The following GMDS variants were observed in gnomAD, a reference collection of about 807,000 sequenced individuals.
GMDS encodes the protein GDP-mannose 4,6 dehydratase.
A neutral mutation model predicts 49.9 loss-of-function variants in GMDS; 20 were observed. That is an observed-to-expected ratio of 0.40 (90% confidence interval 0.28 to 0.58). The LOEUF (loss-of-function observed/expected upper bound fraction) is 0.58. Ranked by LOEUF, GMDS falls within the 20% of genes least tolerant of loss-of-function variation. GMDS has a pLI of 0.42. For synonymous variants in GMDS, 177 were observed against 178.6 expected (o/e 0.99, Z 0.07); for missense variants, 362 against 481.4 (o/e 0.75, Z 2.32).
intron 6 of GMDS, among the ~76,000 whole-genome samples, chr6:1,958,293 AT>A (rs965577811): frequency 1.3e-3 from 198 of 148,180 alleles, no homozygotes; most frequent in African/African-American, 4.4e-3. Flanking sequence ...ATTAACTTTT[AT>A]TTTTTTTTTG....
intron 6 of GMDS, among the ~76,000 whole-genome samples, chr6:1,948,503 A>G (rs1763191763): frequency 6.6e-6 from 1 of 152,106 alleles, no homozygotes; most frequent in Admixed American, 6.5e-5. Context: ...AAATACTTGA[A>G]AAAATTAGCC....
chr6:1,903,532 C>T (rs1370660315), intron 7 of GMDS, among the ~76,000 whole-genome samples: 2 of 152,236 alleles, frequency 1.3e-5, no homozygotes, highest in Non-Finnish European at 2.9e-5. Flanking sequence ...CTGCTCTAAA[C>T]AATTTACAGG....
At chr6:1,750,668 C>T (rs1370238331) in intron 7 of GMDS, among the ~76,000 whole-genome samples, 1 of 152,042 alleles carries the variant, frequency 6.6e-6, no homozygotes, top group African/African-American at 2.4e-5. Context: ...ACCGAGCTAG[C>T]TGCAGGAGGT....
intron 4 of GMDS, among the ~76,000 whole-genome samples, chr6:1,980,716 C>T (rs1765176263): frequency 2.6e-5 from 4 of 152,200 alleles, no homozygotes; most frequent in South Asian, 4.1e-4. Context: ...TAGATATTTA[C>T]AGAACTGTCC....
intron 4 of GMDS, among the ~76,000 whole-genome samples, chr6:2,059,150 T>C (rs9501793): frequency 2.0e-3 from 222 of 111,222 alleles, no homozygotes; most frequent in Middle Eastern, 9.3e-3. Flanking sequence ...CACTCCAGCC[T>C]GGGCGACAGA....
intron 4 of GMDS, among the ~76,000 whole-genome samples, chr6:1,990,659 C>T (rs1765876178): frequency 6.6e-6 from 1 of 152,140 alleles, no homozygotes; most frequent in Admixed American, 6.5e-5. Context: ...ATTCTAATCT[C>T]CGCCTCCCAG....
At chr6:2,145,776 C>A (rs1776525182) in intron 1 of GMDS, among the ~76,000 whole-genome samples, 1 of 152,022 alleles carries the variant, frequency 6.6e-6, no homozygotes, top group Non-Finnish European at 1.5e-5. Flanking sequence ...GACTGCAGTC[C>A]CAGCTACTTA....
chr6:2,189,326 G>A lies in GMDS; in HGVS notation c.102+55995C>T, dbSNP rs556355340. Among the ~76,000 whole-genome samples the A allele has an allele frequency of 2.0e-5, 3 of 152,288 alleles. No homozygotes were observed. The South Asian group carries it at 6.2e-4, about 32-fold the overall frequency. On this transcript the variant is annotated intron_variant, in intron 1 of 10. Coordinates refer to ENST00000380815, the MANE Select transcript of GMDS (RefSeq NM_001500.4). ...AGGAGACCGTCAGGGGTGCAGATGG[G>A]TTGTTTTACCTGTGGTGACTTTCAG... is the stretch of plus-strand genomic sequence containing the variant.
intron 7 of GMDS, among the ~76,000 whole-genome samples, chr6:1,828,762 C>G (rs562687585): frequency 6.6e-6 from 1 of 152,256 alleles, no homozygotes; most frequent in South Asian, 2.1e-4. Context: ...TACCACTATA[C>G]CTCTCCTACA....
In GMDS at chr6:1,641,307, T is replaced by C. The variant is rs374627378; in HGVS notation, c.988-16767A>G. On this transcript the variant is annotated intron_variant, in intron 9 of 10. Transcript: ENST00000380815. ...TTGTGTTCCTCAGGGACAATCTATG[T>C]CACTGTCACGTTAGTGAAGATAAAT... 2.4e-4 allele frequency among the ~76,000 whole-genome samples: 37 copies of C among 152,360 alleles called. 1 individual carries two copies. Among genetic ancestry groups the C allele is most frequent in the African/African-American group, 8.4e-4 (35 of 41,574 alleles).
chr6:1,738,180 CACATAT>C (rs1237917220), intron 8 of GMDS, among the ~76,000 whole-genome samples: 2 of 151,482 alleles, frequency 1.3e-5, no homozygotes, highest in African/African-American at 4.9e-5. Context: ...CATACACACA[CACATAT>C]ACACACATAC....
intron 4 of GMDS, among the ~76,000 whole-genome samples, chr6:2,077,730 G>A (rs1772429051): frequency 6.6e-6 from 1 of 152,052 alleles, no homozygotes; most frequent in African/African-American, 2.4e-5. Flanking sequence ...CAAGAATAAT[G>A]ACCTGTACTT....
At chr6:2,094,659 G>T (rs1473893682) in intron 4 of GMDS, among the ~76,000 whole-genome samples, 2 of 152,182 alleles carry the variant, frequency 1.3e-5, no homozygotes, top group African/African-American at 2.4e-5. Context: ...GCAGTTTAGG[G>T]GTTGAGGGGA....
At chr6:2,218,659 TTAAA>T (rs1780447109) in intron 1 of GMDS, among the ~76,000 whole-genome samples, 1 of 152,218 alleles carries the variant, frequency 6.6e-6, no homozygotes, top group Non-Finnish European at 1.5e-5. Context: ...CAAATAATTA[TTAAA>T]TATATTTAAT....
intron 4 of GMDS, among the ~76,000 whole-genome samples, chr6:1,970,644 C>T (rs1431580508): frequency 2.0e-5 from 3 of 152,098 alleles, no homozygotes; most frequent in Non-Finnish European, 4.4e-5. Flanking sequence ...TTTGAAGAGG[C>T]TACAAAAGGG....
At chr6:2,127,704 GC>G (rs1775527819) in intron 1 of GMDS, among the ~76,000 whole-genome samples, 1 of 152,234 alleles carries the variant, frequency 6.6e-6, no homozygotes, top group Admixed American at 6.5e-5. Flanking sequence ...AGCCCAGGGG[GC>G]CCAGCTGGCC....
intron 4 of GMDS, among the ~76,000 whole-genome samples, chr6:1,983,921 G>A (rs544596984): frequency 1.8e-4 from 27 of 152,238 alleles, no homozygotes; most frequent in African/African-American, 5.8e-4. Context: ...ACATGCATGC[G>A]TATGTTCAGT....
At chr6:1,854,503 A>AACC (rs1757857866) in intron 7 of GMDS, among the ~76,000 whole-genome samples, 1 of 152,216 alleles carries the variant, frequency 6.6e-6, no homozygotes, top group Non-Finnish European at 1.5e-5. Context: ...TTTATCACCC[A>AACC]AGCTATATGT....
chr6:1,923,515 G>A (rs1761831996), intron 7 of GMDS, among the ~76,000 whole-genome samples: 1 of 152,228 alleles, frequency 6.6e-6, no homozygotes, highest in South Asian at 2.1e-4. Context: ...GGTGACCAGA[G>A]CAGCTGGTCT....
Sources: gnomAD v4.1 joint callset for allele counts (sites outside exome capture counted in the v4.1 genomes callset) on GRCh38, gnomAD v4.1.1 for gene constraint, MANE v1.5 for transcripts, NCBI Gene and HGNC (gene_info 2026-07-23, HGNC 2026-07-21) for gene names.